HIVEP3: variants seen among roughly 807,000 people sequenced by gnomAD.
The protein encoded by HIVEP3 is transcription factor HIVEP3.
A neutral mutation model predicts 152.8 loss-of-function variants in HIVEP3; 49 were observed. The ratio of observed to expected loss-of-function variants is 0.32; its 90% confidence interval spans 0.26 to 0.41. HIVEP3 has a LOEUF of 0.41. Ranked by LOEUF, HIVEP3 falls within the 10% of genes least tolerant of loss-of-function variation. The pLI is 1.00. For synonymous variants in HIVEP3, 1,269 were observed against 1,289.0 expected (o/e 0.98, Z 0.33); for missense variants, 2,790 against 3,103.3 (o/e 0.90, Z 2.40).
intron 2 of HIVEP3, among the ~76,000 whole-genome samples, chr1:41,669,064 C>T (rs754095662): frequency 3.7e-4 from 57 of 152,126 alleles, no homozygotes; most frequent in Admixed American, 7.2e-4. Flanking sequence ...ATGTACCTTC[C>T]GGCCTGAAAA....
intron 5 of HIVEP3, among the ~76,000 whole-genome samples, chr1:41,552,046 G>C (rs890919328): frequency 2.6e-5 from 4 of 152,158 alleles, no homozygotes; most frequent in Non-Finnish European, 5.9e-5. Context: ...TCTACACACT[G>C]CTTTAAATGT....
intron 1 of HIVEP3, among the ~76,000 whole-genome samples, chr1:41,975,705 C>T (rs994888217): frequency 7.9e-5 from 12 of 152,244 alleles, no homozygotes; most frequent in African/African-American, 2.9e-4. Context: ...GCCAAGGCCG[C>T]TCTCAAAGGA....
At chr1:41,656,823 G>A (rs1645635893) in intron 2 of HIVEP3, among the ~76,000 whole-genome samples, 1 of 152,238 alleles carries the variant, frequency 6.6e-6, no homozygotes, top group South Asian at 2.1e-4. Context: ...ACCAGCATCA[G>A]AGTCAAGTTC....
At chr1:41,549,301 C>G (rs549147655) in intron 5 of HIVEP3, among the ~76,000 whole-genome samples, 1 of 152,264 alleles carries the variant, frequency 6.6e-6, no homozygotes, top group South Asian at 2.1e-4. Flanking sequence ...GGTTCCAAGT[C>G]TTTGCTATTG....
intron 1 of HIVEP3, among the ~76,000 whole-genome samples, chr1:42,023,460 C>T (rs1353456045): frequency 6.6e-6 from 1 of 152,132 alleles, no homozygotes; most frequent in Non-Finnish European, 1.5e-5. Context: ...TGGTTTGGAT[C>T]TGTGTCCCTG....
At chr1:41,797,652 G>C (rs1222739193) in intron 1 of HIVEP3, among the ~76,000 whole-genome samples, 2 of 152,186 alleles carry the variant, frequency 1.3e-5, no homozygotes, top group Non-Finnish European at 2.9e-5. Flanking sequence ...AAAGGGAACT[G>C]AGGGCTTCTC....
chr1:41,840,729 T>C (rs1318793444), intron 1 of HIVEP3, among the ~76,000 whole-genome samples: 1 of 152,170 alleles, frequency 6.6e-6, no homozygotes, highest in African/African-American at 2.4e-5. Context: ...GCCCATCAGA[T>C]CCTGGCCGTG....
chr1:41,981,529 T>G (rs1341461556), intron 1 of HIVEP3, among the ~76,000 whole-genome samples: 1 of 152,118 alleles, frequency 6.6e-6, no homozygotes, highest in African/African-American at 2.4e-5. Context: ...CTTCCTGCTC[T>G]GCAGTGCACT....
At chr1:42,014,796 C>T (rs1645512581) in intron 1 of HIVEP3, among the ~76,000 whole-genome samples, 1 of 152,148 alleles carries the variant, frequency 6.6e-6, no homozygotes, top group African/African-American at 2.4e-5. Context: ...AGAATTTTCC[C>T]TCAAATTTAA....
intron 1 of HIVEP3, among the ~76,000 whole-genome samples, chr1:41,786,398 C>T (rs1649349945): frequency 6.6e-6 from 1 of 152,208 alleles, no homozygotes; most frequent in South Asian, 2.1e-4. Context: ...TCAGCCTAGC[C>T]CTGAGGCTGC....
intron 2 of HIVEP3, among the ~76,000 whole-genome samples, chr1:41,645,474 C>T (rs1645444923): frequency 6.6e-6 from 1 of 152,192 alleles, no homozygotes; most frequent in African/African-American, 2.4e-5. Context: ...CTGGGAACTC[C>T]TTAACAGAGT....
At chr1:41,785,301 A>G (rs1030192214) in intron 1 of HIVEP3, among the ~76,000 whole-genome samples, 1 of 152,210 alleles carries the variant, frequency 6.6e-6, no homozygotes, top group Non-Finnish European at 1.5e-5. Context: ...TCATCTGATC[A>G]GTCCCAAGAA....
chr1:41,701,091 C>T (rs1016408478), intron 1 of HIVEP3, 96 bp from the exon 2 acceptor site: 1 of 445,264 alleles, frequency 2.2e-6, no homozygotes, highest in Non-Finnish European at 3.0e-6. Context: ...TGAGCACAGC[C>T]TTGCTGAAAG....
At chr1:41,980,913 C>T (rs1323194267) in intron 1 of HIVEP3, among the ~76,000 whole-genome samples, 1 of 152,196 alleles carries the variant, frequency 6.6e-6, no homozygotes, top group Non-Finnish European at 1.5e-5. Flanking sequence ...CAAGCAAATA[C>T]TCCATGAGGA....
intron 1 of HIVEP3, among the ~76,000 whole-genome samples, chr1:41,861,721 G>GC (rs1643889748): frequency 6.6e-6 from 1 of 152,208 alleles, no homozygotes; most frequent in African/African-American, 2.4e-5. Flanking sequence ...TTTCAGAGAG[G>GC]TCTGAATCCC....
At chr1:41,940,070 T>C (rs1434597371) in intron 1 of HIVEP3, among the ~76,000 whole-genome samples, 1 of 152,218 alleles carries the variant, frequency 6.6e-6, no homozygotes, top group African/African-American at 2.4e-5. Flanking sequence ...GAATGATACC[T>C]AAAAGATACC....
At chr1:41,618,230 C>T (rs1570120091) in intron 3 of HIVEP3, among the ~76,000 whole-genome samples, 1 of 152,246 alleles carries the variant, frequency 6.6e-6, no homozygotes, top group South Asian at 2.1e-4. Flanking sequence ...AGGCTTGCCA[C>T]TCTGGCTGCC....
intron 1 of HIVEP3, among the ~76,000 whole-genome samples, chr1:41,952,469 C>T (rs1645114184): frequency 6.6e-6 from 1 of 151,330 alleles, no homozygotes; most frequent in African/African-American, 2.4e-5. Context: ...TGTGTAGTGC[C>T]TGCGAGGCCC....
chr1:41,811,491 A>G (rs1650955597), intron 1 of HIVEP3, among the ~76,000 whole-genome samples: 1 of 152,002 alleles, frequency 6.6e-6, no homozygotes, highest in South Asian at 2.1e-4. Flanking sequence ...TAAGCATTTT[A>G]TATGCATTAA....
Sources: gnomAD v4.1 joint callset for allele counts (sites outside exome capture counted in the v4.1 genomes callset) on GRCh38, gnomAD v4.1.1 for gene constraint, MANE v1.5 for transcripts, NCBI Gene and HGNC (gene_info 2026-07-23, HGNC 2026-07-21) for gene names.